STIL: variants seen among roughly 807,000 people sequenced by gnomAD.
STIL encodes STIL centriolar assembly protein.
In STIL, 55 loss-of-function variants were observed where a neutral mutation model predicts 110.1. That is an observed-to-expected ratio of 0.50 (90% CI 0.40 to 0.63). The LOEUF is 0.63. Among genes scored for constraint, STIL ranks in the 20% least tolerant of loss-of-function variants. The probability of loss-of-function intolerance (pLI) is 0.00; values close to 1 mark genes in which losing one functional copy is unlikely to be tolerated. For synonymous variants in STIL, 481 were observed against 530.0 expected (o/e 0.91, Z 1.27); for missense variants, 1,358 against 1,530.0 (o/e 0.89, Z 1.87).
At chr1:47,298,705 C>G (rs1645711407) in intron 6 of STIL, among the ~76,000 whole-genome samples, 1 of 151,648 alleles carries the variant, frequency 6.6e-6, no homozygotes. Context: ...TTTCCTCTTA[C>G]ATTTTCAAAT....
intron 10 of STIL, 42 bp downstream of exon 10, chr1:47,287,509 T>C: frequency 7.6e-7 from 1 of 1,315,486 alleles, no homozygotes. Flanking sequence ...ATAAATATAA[T>C]TTTTAAAAAA....
intron 2 of STIL, among the ~76,000 whole-genome samples, chr1:47,305,725 CTTTTTTTTT>C (rs71572652): frequency 1.2e-4 from 5 of 43,418 alleles, no homozygotes; most frequent in Non-Finnish European, 1.9e-4. Context: ...CACGCCTGGC[CTTTTTTTTT>C]TTTTTTTTTT....
In STIL at chr1:47,281,163, T is replaced by G. The variant is rs962990789; in HGVS notation, c.1295A>C (p.Asp432Ala). 6.2e-7 allele frequency: 1 copy of G among 1,613,804 alleles called. No individual in the cohort carries two copies. The highest frequency in any genetic ancestry group is 1.3e-5 in the African/African-American group (1 of 75,006). ...PSVPELSLVL[D>A]GNFIESNPLP... ...AGGGTTTGATTCTATGAAATTGCCA[T>G]CCAACACAAGTGAAAGTTCAGGAAC... The change falls in exon 12 of 17, where the codon GAT (aspartate) becomes GCT (alanine). Residue 432 changes from aspartate to alanine, a missense_variant. Coordinates refer to ENST00000371877, the MANE Select transcript of STIL (RefSeq NM_001048166.1).
chr1:47,252,303 G>T (rs887879518), intron 16 of STIL, among the ~76,000 whole-genome samples: 2 of 152,122 alleles, frequency 1.3e-5, no homozygotes, highest in African/African-American at 4.8e-5. Flanking sequence ...GATTGCTTGA[G>T]CTCAAGAGTT....
intron 10 of STIL, among the ~76,000 whole-genome samples, chr1:47,286,112 T>C (rs935008140): frequency 2.2e-4 from 33 of 151,840 alleles, no homozygotes; most frequent in African/African-American, 7.7e-4. Flanking sequence ...TGACCTCAAC[T>C]GATCCGCCCG....
intron 1 of STIL, 40 bp from the exon 2 acceptor site, chr1:47,310,402 AC>A: frequency 7.7e-7 from 1 of 1,296,656 alleles, no homozygotes; most frequent in Admixed American, 1.9e-5. Context: ...AATGATAAAA[AC>A]AAAGAAGAAA....
chr1:47,308,098 C>T (rs1646018086), intron 2 of STIL, among the ~76,000 whole-genome samples: 1 of 152,150 alleles, frequency 6.6e-6, no homozygotes, highest in South Asian at 2.1e-4. Context: ...GTGATCTCGC[C>T]CTGCCTCCAC....
In STIL at chr1:47,269,992, TTTGAGAGGCAGAGGCG is replaced by T. The variant is rs560584574; in HGVS notation, c.2384-142_2384-127del. The T allele has an allele frequency of 9.2e-4, 792 of 864,108 alleles. 4 individuals carry two copies. The Middle Eastern group carries it at 0.014, about 15-fold the overall frequency. The allele number at this position is 864,108 out of a possible 1,614,324, so 53.5% of individuals were successfully genotyped here. A position where few individuals can be genotyped will look rare whatever the true frequency, so the allele number is the denominator to read the frequency against. ...TGGCTCACGCCTATAATCCCAACAC[TTTGAGAGGCAGAGGCG>T]GGAGGATCACTTGAGCTCAGGAGTT... is the stretch of plus-strand genomic sequence containing the variant. On this transcript the variant is annotated intron_variant, in intron 13 of 16. Transcript: ENST00000371877.
intron 12 of STIL, among the ~76,000 whole-genome samples, chr1:47,275,847 A>G (rs1179361398): frequency 6.6e-6 from 1 of 151,954 alleles, no homozygotes; most frequent in Non-Finnish European, 1.5e-5. Context: ...GGCTGGTCTC[A>G]TATTCCTGGG....
chr1:47,305,011 A>G lies in STIL; in HGVS notation c.45-15T>C. 6.3e-7 allele frequency: 1 copy of G among 1,597,886 alleles called. No homozygotes were observed. Among genetic ancestry groups the G allele is most frequent in the East Asian group, 2.2e-5 (1 of 44,756 alleles). ...TTGAAGGAAACCTTTTGAAAAAACA[A>G]TGTAAAATTAAAGCACAAGGAATAG... On this transcript the variant is annotated splice_polypyrimidine_tract_variant and intron_variant, in intron 2 of 16. Coordinates refer to ENST00000371877, the MANE Select transcript of STIL (RefSeq NM_001048166.1).
chr1:47,253,211 G>T (rs963695155), intron 16 of STIL, among the ~76,000 whole-genome samples: 1 of 152,080 alleles, frequency 6.6e-6, no homozygotes, highest in African/African-American at 2.4e-5. Context: ...TTGTCAGGGA[G>T]GTATTCTCTA....
intron 12 of STIL, among the ~76,000 whole-genome samples, chr1:47,278,294 G>A (rs1232660277): frequency 1.3e-5 from 2 of 152,080 alleles, no homozygotes; most frequent in Non-Finnish European, 2.9e-5. Context: ...TGCAGGGTAA[G>A]GGAGTTCTAT....
rs572430365 is a variant in STIL at position 47,273,365 on chromosome 1, T to C, written c.2218-1124A>G. ...TGTACCCATTAGCAGCCACACCCTA[T>C]TGCCCTTCTCCGGAGCCCCTGACGG... On this transcript the variant is annotated intron_variant, in intron 12 of 16. Transcript: ENST00000371877. Among the ~76,000 whole-genome samples, 8 of 152,344 alleles carry C rather than the reference T, an allele frequency of 5.3e-5. 2 individuals are homozygous for C. In the South Asian group the frequency reaches 1.7e-3, roughly 32 times the overall value.
Position 47,270,244 on chromosome 1 carries a change from ATATATAT to A in STIL, c.2384-385_2384-379del, listed in dbSNP as rs1570096678. 1.1e-4 allele frequency among the ~76,000 whole-genome samples: 9 copies of A among 82,150 alleles called. No homozygotes were observed. In the East Asian group the frequency reaches 1.1e-3, roughly 10 times the overall value. The allele number at this position is 82,150 out of a possible 152,430, so 53.9% of individuals were successfully genotyped here. On this transcript the variant is annotated intron_variant, in intron 13 of 16. Transcript: ENST00000371877. The stretch of plus-strand genomic sequence containing the variant: ...CTCTGGCTCAAAAAAAAAAAAAAAT[ATATATAT>A]ATATACACACACACACACACACACA...
intron 10 of STIL, among the ~76,000 whole-genome samples, chr1:47,286,047 G>A (rs1645289138): frequency 6.6e-6 from 1 of 151,450 alleles, no homozygotes; most frequent in Admixed American, 6.6e-5. Context: ...GCTAATTTTT[G>A]TATTTTTAGT....
At chr1:47,283,756 G>A (rs1645213034) in intron 10 of STIL, 1 of 152,096 alleles carries the variant, frequency 6.6e-6, no homozygotes, top group South Asian at 2.1e-4. Flanking sequence ...TAGATATTAA[G>A]TTCAATTACT....
chr1:47,260,185 A>C, intron 16 of STIL, 104 bp downstream of exon 16: 1 of 1,206,378 alleles, frequency 8.3e-7, no homozygotes, highest in Non-Finnish European at 1.1e-6. Flanking sequence ...GATTGCCACA[A>C]TACATCTAAA....
Position 47,303,357 on chromosome 1 carries a change from G to A in STIL, c.153-1011C>T, listed in dbSNP as rs1645862784. The stretch of plus-strand genomic sequence containing the variant: ...AGGCAGGTGGATCACCTGAGGTCAG[G>A]AGTTCGTGACCAGCCTGACTAACAT... On this transcript the variant is annotated intron_variant, in intron 3 of 16. Transcript: ENST00000371877. Among the ~76,000 whole-genome samples the A allele has an allele frequency of 5.3e-5, 8 of 152,198 alleles. 1 individual carries two copies. The South Asian group carries it at 1.7e-3, about 32-fold the overall frequency.
At chr1:47,307,113 C>G (rs1645982198) in intron 2 of STIL, among the ~76,000 whole-genome samples, 2 of 152,074 alleles carry the variant, frequency 1.3e-5, no homozygotes, top group Admixed American at 6.6e-5. Flanking sequence ...ATCACGCCAC[C>G]CCACTACAGC....
Sources: gnomAD v4.1 joint callset for allele counts (sites outside exome capture counted in the v4.1 genomes callset) on GRCh38, gnomAD v4.1.1 for gene constraint, MANE v1.5 for transcripts, NCBI Gene and HGNC (gene_info 2026-07-23, HGNC 2026-07-21) for gene names.